The following ASTN2 variants were observed in gnomAD, a reference collection of about 807,000 sequenced individuals.
ASTN2 encodes astrotactin 2, also known as astrotactin-2.
Under a neutral mutation model 139.8 loss-of-function variants are expected in ASTN2, and 54 were observed. That is an observed-to-expected ratio of 0.39 (90% confidence interval 0.31 to 0.48). The LOEUF is 0.48. ASTN2 is among the 20% of genes least tolerant of loss of function. The probability of loss-of-function intolerance (pLI) is 0.95; values close to 1 mark genes in which losing one functional copy is unlikely to be tolerated. For synonymous variants in ASTN2, 756 were observed against 719.5 expected, an observed-to-expected ratio of 1.05 and a Z score of -0.81; for missense variants, 1,565 against 1,725.1, an observed-to-expected ratio of 0.91 and a Z score of 1.64.
chr9:117,180,634 T>TG (rs1221619810), intron 3 of ASTN2: 1 of 1,355,278 alleles, frequency 7.4e-7, no homozygotes, highest in African/African-American at 1.5e-5. Context: ...TATCTTTTTT[T>TG]TTTTTTTTTT....
intron 11 of ASTN2, among the ~76,000 whole-genome samples, chr9:116,860,747 T>C (rs1277365796): frequency 2.0e-5 from 3 of 152,210 alleles, no homozygotes; most frequent in African/African-American, 7.2e-5. Flanking sequence ...CTCTGCTTCC[T>C]GAGCCTGTTT....
At chr9:116,870,539 A>T (rs1833134018) in intron 10 of ASTN2, among the ~76,000 whole-genome samples, 2 of 152,124 alleles carry the variant, frequency 1.3e-5, no homozygotes, top group Non-Finnish European at 2.9e-5. Flanking sequence ...TAACCCAGAC[A>T]TTGTGCAAAA....
intron 19 of ASTN2, among the ~76,000 whole-genome samples, chr9:116,497,876 T>A (rs549138305): frequency 6.6e-6 from 1 of 152,296 alleles, no homozygotes; most frequent in East Asian, 1.9e-4. Context: ...AAATGTTATA[T>A]CATTGTAAAG....
chr9:116,872,982 C>T (rs1395306882), intron 10 of ASTN2, among the ~76,000 whole-genome samples: 1 of 152,048 alleles, frequency 6.6e-6, no homozygotes, highest in Non-Finnish European at 1.5e-5. Context: ...TGGACTGCCA[C>T]CCAAAGGTTA....
intron 1 of ASTN2, among the ~76,000 whole-genome samples, chr9:117,370,145 G>A (rs909695470): frequency 5.9e-5 from 9 of 152,066 alleles, no homozygotes; most frequent in Non-Finnish European, 8.8e-5. Flanking sequence ...AGATGAGGGC[G>A]GGGAAAGAGA....
chr9:116,955,459 G>A (rs1043856657), intron 10 of ASTN2, among the ~76,000 whole-genome samples: 3 of 152,208 alleles, frequency 2.0e-5, no homozygotes, highest in African/African-American at 7.2e-5. Context: ...CATAGCTATT[G>A]GCTTAGCTGT....
At chr9:116,912,425 G>A (rs1164288327) in intron 10 of ASTN2, among the ~76,000 whole-genome samples, 1 of 152,214 alleles carries the variant, frequency 6.6e-6, no homozygotes, top group African/African-American at 2.4e-5. Context: ...TTCATTCTCA[G>A]TGCTAAGAAA....
At chr9:117,331,109 G>A (rs1009639099) in intron 1 of ASTN2, among the ~76,000 whole-genome samples, 1 of 152,204 alleles carries the variant, frequency 6.6e-6, no homozygotes, top group Non-Finnish European at 1.5e-5. Flanking sequence ...AACACAGCAA[G>A]GGGGTATTTG....
At chr9:117,312,724 G>T (rs150948402) in intron 1 of ASTN2, among the ~76,000 whole-genome samples, 1 of 152,088 alleles carries the variant, frequency 6.6e-6, no homozygotes, top group Non-Finnish European at 1.5e-5. Context: ...TATCAGCTCT[G>T]CCATTCACTT....
rs543139518 is a variant in ASTN2 at position 116,710,600 on chromosome 9, G to A, written c.2806+15171C>T. On this transcript the variant is annotated intron_variant, in intron 16 of 22. Transcript: ENST00000313400. ...TACAAAATTAGCAAGGCATGGTGGC[G>A]CATGCCTGTAATCCCAGCTACTCGG... 1.9e-3 allele frequency among the ~76,000 whole-genome samples: 293 copies of A among 151,704 alleles called. 1 individual carries two copies. The highest frequency in any genetic ancestry group is 6.4e-3 in the African/African-American group (264 of 41,394).
intron 20 of ASTN2, among the ~76,000 whole-genome samples, chr9:116,452,317 G>A (rs1433441679): frequency 6.6e-6 from 1 of 152,132 alleles, no homozygotes; most frequent in South Asian, 2.1e-4. Flanking sequence ...TTTTTCAGAA[G>A]GCATAACTTG....
intron 11 of ASTN2, among the ~76,000 whole-genome samples, chr9:116,863,160 C>A: frequency 6.6e-6 from 1 of 152,122 alleles, no homozygotes; most frequent in East Asian, 1.9e-4. Flanking sequence ...AAGCCTTCTA[C>A]GAAACTGAGG....
At chr9:117,334,910 C>A (rs187680751) in intron 1 of ASTN2, among the ~76,000 whole-genome samples, 1 of 152,184 alleles carries the variant, frequency 6.6e-6, no homozygotes, top group East Asian at 1.9e-4. Flanking sequence ...AAAAAATTAG[C>A]CAGGCGTGGT....
intron 16 of ASTN2, among the ~76,000 whole-genome samples, chr9:116,693,945 G>A (rs1473934660): frequency 6.6e-6 from 1 of 152,134 alleles, no homozygotes; most frequent in African/African-American, 2.4e-5. Context: ...CCTTCACAAA[G>A]CAGTGTTTTC....
intron 10 of ASTN2, among the ~76,000 whole-genome samples, chr9:116,965,068 A>T (rs1345026430): frequency 6.6e-6 from 1 of 152,184 alleles, no homozygotes; most frequent in East Asian, 1.9e-4. Context: ...CTTCTGTTAC[A>T]ACTCCTCCTC....
At chr9:117,013,479 TATA>T (rs1837588488) in intron 6 of ASTN2, among the ~76,000 whole-genome samples, 1 of 35,762 alleles carries the variant, frequency 2.8e-5, no homozygotes, top group African/African-American at 5.1e-5. Flanking sequence ...TATATATATA[TATA>T]TATATTTTTT....
chr9:117,001,242 G>T lies in ASTN2; in HGVS notation c.1591+6850C>A, dbSNP rs145844878. ...CTCCATGACTCTGTCCAGCTCTACA[G>T]ATTTGACTCACAAAGGAGAGACTTC... is the stretch of plus-strand genomic sequence containing the variant. On this transcript the variant is annotated intron_variant, in intron 7 of 22. Coordinates refer to ENST00000313400, the MANE Select transcript of ASTN2 (RefSeq NM_001365068.1). Among the ~76,000 whole-genome samples, 116 of 152,284 alleles carry T rather than the reference G, an allele frequency of 7.6e-4. 1 individual carries two copies. Among genetic ancestry groups the T allele is most frequent in the African/African-American group, 2.7e-3 (111 of 41,572 alleles).
intron 13 of ASTN2, among the ~76,000 whole-genome samples, chr9:116,757,141 A>C (rs1829554325): frequency 6.6e-6 from 1 of 152,178 alleles, no homozygotes; most frequent in South Asian, 2.1e-4. Context: ...AGAGGACTCC[A>C]AGCAGGTGGT....
At chr9:116,749,908 C>T (rs1029129683) in intron 13 of ASTN2, among the ~76,000 whole-genome samples, 1 of 152,162 alleles carries the variant, frequency 6.6e-6, no homozygotes, top group Non-Finnish European at 1.5e-5. Flanking sequence ...TACTTGTAAG[C>T]TTCCTGAGGC....
Sources: allele counts gnomAD v4.1 joint callset (sites outside exome capture counted in the v4.1 genomes callset), GRCh38; gene constraint gnomAD v4.1.1; transcripts MANE v1.5; gene names NCBI Gene and HGNC (gene_info 2026-07-23, HGNC 2026-07-21).